Variants in PPP1R8 observed in about 807,000 individuals in gnomAD.
PPP1R8 encodes protein phosphatase 1 regulatory subunit 8, also known as nuclear inhibitor of protein phosphatase 1.
A neutral mutation model predicts 31.3 loss-of-function variants in PPP1R8; 4 were observed. The observed-to-expected ratio is 0.13, with a 90% CI of 0.06 to 0.29. The LOEUF (loss-of-function observed/expected upper bound fraction) is 0.29, where lower values mean the gene tolerates loss of function less well. Among genes scored for constraint, PPP1R8 ranks in the 10% least tolerant of loss-of-function variants. PPP1R8 has a pLI of 1.00. For synonymous variants in PPP1R8, 170 were observed against 169.7 expected, an observed-to-expected ratio of 1.00 and a Z score of -0.01; for missense variants, 254 against 440.1, an observed-to-expected ratio of 0.58 and a Z score of 3.78.
intron 5 of PPP1R8, 53 bp downstream of exon 5, chr1:27,843,383 G>T: frequency 6.2e-7 from 1 of 1,608,482 alleles, no homozygotes; most frequent in East Asian, 2.2e-5. Flanking sequence ...TGGCCCGGGC[G>T]CGGTGGCTCA....
At chr1:27,836,964 A>C (rs1447454215) in intron 2 of PPP1R8, among the ~76,000 whole-genome samples, 4 of 152,226 alleles carry the variant, frequency 2.6e-5, no homozygotes, top group Non-Finnish European at 2.9e-5. Flanking sequence ...TCCCAAATAT[A>C]CATTTGAATG....
At chr1:27,833,684 G>A (rs2089134186) in intron 2 of PPP1R8, among the ~76,000 whole-genome samples, 1 of 152,122 alleles carries the variant, frequency 6.6e-6, no homozygotes, top group Admixed American at 6.6e-5. Context: ...CTAGAATTTA[G>A]GTTCAAGGCC....
At chr1:27,830,929 C>T (rs2148612742) in intron 1 of PPP1R8, 38 bp downstream of exon 1, 2 of 1,524,498 alleles carry the variant, frequency 1.3e-6, no homozygotes, top group Non-Finnish European at 8.8e-7. Flanking sequence ...GTGGCCCGGC[C>T]GGAGCTAGCC....
At chr1:27,835,764 CA>C (rs1424680638) in intron 2 of PPP1R8, among the ~76,000 whole-genome samples, 1 of 152,208 alleles carries the variant, frequency 6.6e-6, no homozygotes, top group Non-Finnish European at 1.5e-5. Context: ...TGAAGCCAGA[CA>C]AATCTGAATT....
chr1:27,831,186 A>C, intron 1 of PPP1R8: 1 of 1,177,460 alleles, frequency 8.5e-7, no homozygotes, highest in Non-Finnish European at 1.1e-6. Flanking sequence ...GCCCGAACTT[A>C]CGCCCAACTC....
intron 3 of PPP1R8, among the ~76,000 whole-genome samples, chr1:27,839,224 T>TA (rs1292385289): frequency 6.6e-6 from 1 of 151,944 alleles, no homozygotes; most frequent in Non-Finnish European, 1.5e-5. Context: ...CCCCATCTCT[T>TA]AAAAACAAAC....
chr1:27,834,580 G>A (rs774427206), intron 2 of PPP1R8: 1 of 514,254 alleles, frequency 1.9e-6, no homozygotes, highest in African/African-American at 1.9e-5. Context: ...TAGCAGTACT[G>A]GCCATAGCTA....
chr1:27,836,483 C>T (rs180857514), intron 2 of PPP1R8, among the ~76,000 whole-genome samples: 4 of 152,200 alleles, frequency 2.6e-5, no homozygotes, highest in East Asian at 1.9e-4. Context: ...TGGCCGATCT[C>T]GGCTCACTGC....
At position 27,841,370 on chromosome 1, in the gene PPP1R8, A is replaced by G. The variant is rs2089221102; in HGVS notation, c.492+136A>G. The G allele has an allele frequency of 1.5e-5, 13 of 873,028 alleles. No homozygotes were observed. In the Admixed American group the frequency reaches 1.9e-4, roughly 13 times the overall value. The allele number at this position is 873,028 out of a possible 1,614,324, so 54.1% of individuals were successfully genotyped here. A position where few individuals can be genotyped will look rare whatever the true frequency, so the allele number is the denominator to read the frequency against. On this transcript the variant is annotated intron_variant, in intron 4 of 6. Transcript: ENST00000311772. ...TGAGTCCAGTAATGGGCCTTTGGCA[A>G]TCTGGTGTGGCCAGCTGTGACAGCT...
chr1:27,844,884 ATTTTTT>A (rs765514573), intron 5 of PPP1R8, among the ~76,000 whole-genome samples: 3 of 72,372 alleles, frequency 4.1e-5, no homozygotes, highest in East Asian at 1.0e-3. Flanking sequence ...TGCCCGACTA[ATTTTTT>A]TTTTTTTTTT....
intron 2 of PPP1R8, among the ~76,000 whole-genome samples, chr1:27,835,461 C>T (rs1446729815): frequency 6.6e-6 from 1 of 152,190 alleles, no homozygotes; most frequent in East Asian, 1.9e-4. Flanking sequence ...AGCTGTCAGG[C>T]TGTTGTTGAA....
intron 4 of PPP1R8, 113 bp from the exon 5 acceptor site, chr1:27,843,073 T>C: frequency 7.9e-7 from 1 of 1,264,640 alleles, no homozygotes; most frequent in Non-Finnish European, 1.1e-6. Flanking sequence ...CTCAACTCCC[T>C]TTGGAGGTCA....
At position 27,841,041 on chromosome 1, in the gene PPP1R8, G is replaced by A. The variant is rs376919257; in HGVS notation, c.299G>A (p.Arg100Gln). ...CACGGCACTTTCTTGGGTCACATTC[G>A]GTTGGAACCTCACAAGCCTCAGCAA... ...STHGTFLGHI[R>Q]LEPHKPQQIP... The change falls in exon 4 of 7, where the codon CGG becomes CAG. Residue 100 changes from arginine to glutamine, a missense_variant. This residue lies in a region of PPP1R8 where 52 missense variants were observed against 145.3 expected (regional missense o/e 0.36). Transcript: ENST00000311772. 1.8e-5 allele frequency: 29 copies of A among 1,613,936 alleles called. 1 individual carries two copies. The highest frequency in any genetic ancestry group is 2.3e-5 in the Non-Finnish European group (27 of 1,180,016).
At chr1:27,835,813 G>A (rs1249278367) in intron 2 of PPP1R8, among the ~76,000 whole-genome samples, 1 of 152,226 alleles carries the variant, frequency 6.6e-6, no homozygotes, top group Non-Finnish European at 1.5e-5. Context: ...GTGTGAACTT[G>A]AGTATGTTAA....
intron 4 of PPP1R8, among the ~76,000 whole-genome samples, chr1:27,842,455 A>G (rs1014847711): frequency 2.0e-5 from 3 of 152,026 alleles, no homozygotes; most frequent in Non-Finnish European, 2.9e-5. Context: ...AGGCCACCTT[A>G]TCCAGGCTGC....
rs554163989 is a variant in PPP1R8, at chr1:27,845,981, G to A, written c.638-1047G>A. Among the ~76,000 whole-genome samples the A allele has an allele frequency of 2.0e-5, 3 of 151,574 alleles. 1 individual carries two copies. Among genetic ancestry groups the A allele is most frequent in the African/African-American group, 7.3e-5 (3 of 41,216 alleles). On this transcript the variant is annotated intron_variant, in intron 5 of 6. Transcript: ENST00000311772. ...ATTTTTTGTATTTTTTAGTAGAGACGGAGTTTCACCATGTTAGCCAGGATG... is the reference window on the plus strand; with the variant it reads ...ATTTTTTGTATTTTTTAGTAGAGACAGAGTTTCACCATGTTAGCCAGGATG...
chr1:27,850,574 C>A lies in PPP1R8; in HGVS notation c.*128C>A. The A allele has an allele frequency of 1.2e-6, 1 of 841,064 alleles. No homozygotes were observed. The highest frequency in any genetic ancestry group is 1.8e-6 in the Non-Finnish European group (1 of 552,802). 52.1% of individuals were successfully genotyped at this position (841,064 alleles called of 1,614,324 possible). ...GTCTTTCAGAATGTCTCCTGGCATC[C>A]TAACCATGTAATATGACAATTGGGG... On this transcript the variant is annotated 3_prime_UTR_variant, in exon 7 of 7. Coordinates refer to ENST00000311772, the MANE Select transcript of PPP1R8 (RefSeq NM_014110.5).
chr1:27,841,198 C>T lies in PPP1R8; in HGVS notation c.456C>T (p.Gly152=), dbSNP rs772297411. 3 of 1,614,198 alleles carry T rather than the reference C, an allele frequency of 1.9e-6. No individual in the cohort carries two copies. The East Asian group carries it at 6.7e-5, about 36-fold the overall frequency. ...KMGGEDDELK[G]LLGLPEEETE... is the part of the protein sequence containing the mutation. The stretch of plus-strand genomic sequence containing the variant: ...GTGGAGAGGATGATGAACTCAAGGG[C>T]TTACTGGGGCTTCCAGAGGAGGAAA... The change falls in exon 4 of 7, where the codon GGC becomes GGT. Residue 152 remains glycine (G), a synonymous_variant. Transcript: ENST00000311772.
chr1:27,832,470 A>T (rs2089120052), intron 1 of PPP1R8, among the ~76,000 whole-genome samples: 1 of 152,156 alleles, frequency 6.6e-6, no homozygotes, highest in South Asian at 2.1e-4. Context: ...TGCACTCTCT[A>T]TGCAGTTCTT....
Sources: allele counts gnomAD v4.1 joint callset (sites outside exome capture counted in the v4.1 genomes callset), GRCh38; gene constraint gnomAD v4.1.1; regional missense constraint gnomAD v4.1.1; transcripts MANE v1.5; gene names NCBI Gene and HGNC (gene_info 2026-07-23, HGNC 2026-07-21).